Variants in ADAMTSL1 observed in about 807,000 individuals in gnomAD.
ADAMTSL1 encodes ADAMTS-like protein 1.
Under a neutral mutation model 201.8 loss-of-function variants are expected in ADAMTSL1, and 126 were observed. The ratio of observed to expected loss-of-function variants is 0.62; its 90% CI spans 0.54 to 0.72. ADAMTSL1 has a LOEUF of 0.72. Among genes scored for constraint, ADAMTSL1 ranks in the 30% least tolerant of loss-of-function variants. ADAMTSL1 has a pLI of 0.00. For synonymous variants in ADAMTSL1, 1,121 were observed against 903.4 expected (o/e 1.24, Z -4.32); for missense variants, 2,679 against 2,277.8 (o/e 1.18, Z -3.59).
intron 2 of ADAMTSL1, among the ~76,000 whole-genome samples, chr9:18,466,062 A>C (rs894426089): frequency 1.3e-5 from 2 of 152,090 alleles, no homozygotes; most frequent in African/African-American, 4.8e-5. Flanking sequence ...CAAGTATCTT[A>C]TTTAAAAGAA....
intron 2 of ADAMTSL1, among the ~76,000 whole-genome samples, chr9:18,276,042 C>T (rs138086044): frequency 2.6e-3 from 399 of 152,236 alleles, no homozygotes; most frequent in African/African-American, 8.7e-3. Context: ...TACTTAAAGT[C>T]TATTTTATCT....
At chr9:18,104,908 G>A (rs1824691217) in intron 1 of ADAMTSL1, among the ~76,000 whole-genome samples, 1 of 151,858 alleles carries the variant, frequency 6.6e-6, no homozygotes, top group African/African-American at 2.4e-5. Context: ...TCAAACTAAG[G>A]GTGGACTGGA....
chr9:18,370,884 T>C (rs1027273820), intron 2 of ADAMTSL1, among the ~76,000 whole-genome samples: 2 of 152,134 alleles, frequency 1.3e-5, no homozygotes, highest in African/African-American at 4.8e-5. Context: ...TAAATTAGCA[T>C]ACAAATTGAG....
chr9:18,743,161 A>G (rs2133559447), intron 15 of ADAMTSL1, among the ~76,000 whole-genome samples: 1 of 152,302 alleles, frequency 6.6e-6, no homozygotes, highest in Admixed American at 6.5e-5. Context: ...AGAACTTAGA[A>G]GTTTTAATTA....
chr9:18,274,318 C>G lies in ADAMTSL1; in HGVS notation c.207+110337C>G, dbSNP rs141593826. On this transcript the variant is annotated intron_variant, in intron 2 of 29. Transcript: ENST00000680146. ...TGATTAACATATGGTAATAATGTAG[C>G]GTTGTTGAGTTGTCCAAATCTTAAA... 8.5e-5 allele frequency among the ~76,000 whole-genome samples: 13 copies of G among 152,196 alleles called. No individual in the cohort carries two copies. In the East Asian group the frequency reaches 2.5e-3, roughly 29 times the overall value.
chr9:18,103,193 G>A (rs1181240999), intron 1 of ADAMTSL1, among the ~76,000 whole-genome samples: 1 of 152,106 alleles, frequency 6.6e-6, no homozygotes, highest in African/African-American at 2.4e-5. Context: ...CAGAATGTTA[G>A]AAAAACACAT....
intron 23 of ADAMTSL1, among the ~76,000 whole-genome samples, chr9:18,860,373 A>G (rs1321970085): frequency 6.6e-6 from 1 of 152,150 alleles, no homozygotes; most frequent in Non-Finnish European, 1.5e-5. Flanking sequence ...TATAAATAAG[A>G]TTTTAGTGGG....
At chr9:18,104,605 G>A (rs576099324) in intron 1 of ADAMTSL1, among the ~76,000 whole-genome samples, 1 of 152,224 alleles carries the variant, frequency 6.6e-6, no homozygotes, top group East Asian at 1.9e-4. Flanking sequence ...AGGGAGGGAA[G>A]GTAGGGAGGG....
chr9:18,077,007 G>A (rs1224692721), intron 1 of ADAMTSL1, among the ~76,000 whole-genome samples: 1 of 152,148 alleles, frequency 6.6e-6, no homozygotes, highest in East Asian at 1.9e-4. Flanking sequence ...GATACAGAAT[G>A]ACTCCCAGGT....
intron 4 of ADAMTSL1, among the ~76,000 whole-genome samples, chr9:18,610,162 A>G (rs1251965367): frequency 6.6e-6 from 1 of 152,168 alleles, no homozygotes; most frequent in Admixed American, 6.6e-5. Context: ...AGAGGGGTAA[A>G]TATACCTTTA....
At chr9:18,071,907 A>C (rs1383696768) in intron 1 of ADAMTSL1, among the ~76,000 whole-genome samples, 1 of 152,190 alleles carries the variant, frequency 6.6e-6, no homozygotes, top group Non-Finnish European at 1.5e-5. Context: ...CCCTTGCTAG[A>C]ACATGATCCT....
chr9:18,014,079 A>T (rs1820160022), intron 1 of ADAMTSL1, among the ~76,000 whole-genome samples: 1 of 152,010 alleles, frequency 6.6e-6, no homozygotes, highest in Non-Finnish European at 1.5e-5. Context: ...ATAGCAGATT[A>T]TATTCTGAAA....
chr9:18,835,572 C>G (rs10756991), intron 23 of ADAMTSL1, among the ~76,000 whole-genome samples: 5 of 151,752 alleles, frequency 3.3e-5, no homozygotes, highest in Non-Finnish European at 2.9e-5. Flanking sequence ...GTATATTTCC[C>G]AATGCTGAGA....
chr9:18,414,899 G>A (rs968562619), intron 2 of ADAMTSL1, among the ~76,000 whole-genome samples: 1 of 152,184 alleles, frequency 6.6e-6, no homozygotes, highest in Non-Finnish European at 1.5e-5. Context: ...AGAGTGGGAG[G>A]TAATGCCTGT....
chr9:18,907,698 G>T (rs529382149), intron 28 of ADAMTSL1: 3 of 152,674 alleles, frequency 2.0e-5, no homozygotes, highest in Admixed American at 2.0e-4. Context: ...TTACACGCTG[G>T]GGGATGGATG....
intron 2 of ADAMTSL1, among the ~76,000 whole-genome samples, chr9:18,249,780 C>G (rs1365176470): frequency 3.3e-5 from 5 of 152,142 alleles, no homozygotes; most frequent in African/African-American, 1.2e-4. Context: ...ATGTGTGCCT[C>G]AGAAACTATT....
chr9:18,373,170 C>A (rs544414718), intron 2 of ADAMTSL1, among the ~76,000 whole-genome samples: 9 of 152,276 alleles, frequency 5.9e-5, no homozygotes, highest in Non-Finnish European at 1.2e-4. Context: ...CCTTCTCAGT[C>A]CCCAGAAGTC....
intron 1 of ADAMTSL1, among the ~76,000 whole-genome samples, chr9:18,056,989 G>T (rs1275423757): frequency 2.6e-5 from 4 of 152,104 alleles, no homozygotes; most frequent in Non-Finnish European, 4.4e-5. Flanking sequence ...CAAAATGTTT[G>T]ATTATCCTTT....
intron 2 of ADAMTSL1, among the ~76,000 whole-genome samples, chr9:18,369,234 C>T (rs1433463051): frequency 1.3e-5 from 2 of 152,172 alleles, no homozygotes; most frequent in Non-Finnish European, 2.9e-5. Context: ...ACAACTCGAC[C>T]TCACAGCTCT....
Sources: gnomAD v4.1 joint callset for allele counts (sites outside exome capture counted in the v4.1 genomes callset) on GRCh38, gnomAD v4.1.1 for gene constraint, MANE v1.5 for transcripts, NCBI Gene and HGNC (gene_info 2026-07-23, HGNC 2026-07-21) for gene names.